The following FAM133B variants were observed in gnomAD, a reference collection of about 807,000 sequenced individuals.
FAM133B encodes the protein family with sequence similarity 133 member B.
A neutral mutation model predicts 46.4 loss-of-function variants in FAM133B; 25 were observed. The ratio of observed to expected loss-of-function variants is 0.54; its 90% CI spans 0.39 to 0.75. FAM133B has a LOEUF of 0.75. Among genes scored for constraint, FAM133B ranks in the 30% least tolerant of loss-of-function variants. The pLI is 0.00. For missense variants in FAM133B, 205 were observed against 277.6 expected (o/e 0.74, Z 1.86); for synonymous variants, 75 against 86.0 (o/e 0.87, Z 0.71).
intron 2 of FAM133B, among the ~76,000 whole-genome samples, chr7:92,580,642 C>T (rs1226419374): frequency 2.0e-5 from 3 of 152,176 alleles, no homozygotes; most frequent in African/African-American, 7.2e-5. Context: ...TGCTTGGTAG[C>T]CCTTCACAGT....
intron 1 of FAM133B, among the ~76,000 whole-genome samples, chr7:92,584,047 CAAAAAAAAAAAAA>C (rs765172200): frequency 1.9e-4 from 7 of 36,796 alleles, no homozygotes; most frequent in Admixed American, 8.2e-4. Context: ...AAGACTGTCT[CAAAAAAAAAAAAA>C]AAAAAAAAAA....
At chr7:92,580,704 A>G (rs1794842335) in intron 2 of FAM133B, among the ~76,000 whole-genome samples, 1 of 152,214 alleles carries the variant, frequency 6.6e-6, no homozygotes, top group Non-Finnish European at 1.5e-5. Context: ...GTGAGTCCCT[A>G]CGAGTTACTC....
chr7:92,585,357 T>C, intron 1 of FAM133B: 1 of 984,662 alleles, frequency 1.0e-6, no homozygotes, highest in Non-Finnish European at 1.2e-6. Context: ...ATTGATCACA[T>C]TCTAATTTCC....
At chr7:92,584,293 G>C (rs1237571667) in intron 1 of FAM133B, among the ~76,000 whole-genome samples, 2 of 152,062 alleles carry the variant, frequency 1.3e-5, no homozygotes, top group Non-Finnish European at 2.9e-5. Flanking sequence ...TTGGTTTAAG[G>C]TGTTATACCT....
At chr7:92,583,573 G>C (rs771641805) in intron 1 of FAM133B, among the ~76,000 whole-genome samples, 1 of 151,976 alleles carries the variant, frequency 6.6e-6, no homozygotes, top group Non-Finnish European at 1.5e-5. Context: ...AACATATTGA[G>C]GCAAAACAAA....
At chr7:92,577,914 G>T in intron 5 of FAM133B, 197 bp from the exon 6 acceptor site, 1 of 647,902 alleles carries the variant, frequency 1.5e-6, no homozygotes, top group Non-Finnish European at 2.7e-6. Context: ...TGTGGCCATG[G>T]TCACCAATCT....
At chr7:92,582,299 A>ATTT (rs1175203662) in intron 1 of FAM133B, among the ~76,000 whole-genome samples, 2 of 148,574 alleles carry the variant, frequency 1.3e-5, no homozygotes, top group African/African-American at 5.1e-5. Context: ...ATAACATAAC[A>ATTT]TAAATAACAT....
At chr7:92,583,124 A>T (rs1376464125) in intron 1 of FAM133B, among the ~76,000 whole-genome samples, 1 of 152,262 alleles carries the variant, frequency 6.6e-6, no homozygotes, top group African/African-American at 2.4e-5. Context: ...GTATATACAT[A>T]CAATGGAATA....
rs1327073762 is a variant in FAM133B, at chr7:92,560,845, G to A, written c.*1437C>T. 1 of 152,402 alleles carries A rather than the reference G, an allele frequency of 6.6e-6. No individual in the cohort carries two copies. The highest frequency in any genetic ancestry group is 1.9e-4 in the East Asian group (1 of 5,190). 9.4% of individuals were successfully genotyped at this position (152,402 alleles called of 1,614,324 possible). ...GCCTGTTGTCATGCCAACATGTTCT[G>A]TGCATATACCACTATAATTAGCACA... is the stretch of plus-strand genomic sequence containing the variant. On this transcript the variant is annotated 3_prime_UTR_variant, in exon 11 of 11. Transcript: ENST00000445716.
intron 1 of FAM133B, among the ~76,000 whole-genome samples, chr7:92,587,479 C>T (rs909007331): frequency 3.9e-5 from 6 of 152,006 alleles, no homozygotes; most frequent in African/African-American, 2.4e-5. Context: ...TCCTGTAATC[C>T]GAACACTTTT....
chr7:92,589,941 T>G (rs1795145923), intron 1 of FAM133B: 2 of 431,390 alleles, frequency 4.6e-6, no homozygotes, highest in South Asian at 2.9e-5. Flanking sequence ...CGGGGCCAGG[T>G]GTGGGGGGGG....
In FAM133B at chr7:92,587,644, G is replaced by T. The variant is rs376391012; in HGVS notation, c.24+2624C>A. 3.9e-5 allele frequency among the ~76,000 whole-genome samples: 6 copies of T among 152,262 alleles called. No homozygotes were observed. The East Asian group carries it at 5.8e-4, about 15-fold the overall frequency. On this transcript the variant is annotated intron_variant, in intron 1 of 10. Transcript: ENST00000445716. The stretch of plus-strand genomic sequence containing the variant: ...AGCTACTTGGGAGGCTGACGTGAGA[G>T]CATCCCTTGAGCCTGGGAAGTTGAA...
chr7:92,577,372 C>T, intron 6 of FAM133B, 177 bp from the exon 7 acceptor site: 1 of 463,596 alleles, frequency 2.2e-6, no homozygotes, highest in Admixed American at 4.0e-5. Flanking sequence ...ATTTGAATCA[C>T]ATGTAATGCC....
At chr7:92,572,766 G>A (rs188488519) in intron 8 of FAM133B, among the ~76,000 whole-genome samples, 2 of 152,112 alleles carry the variant, frequency 1.3e-5, no homozygotes, top group Admixed American at 1.3e-4. Flanking sequence ...GAAGAAATGG[G>A]TAAGAAATAT....
At chr7:92,586,183 G>C (rs1795033148) in intron 1 of FAM133B, among the ~76,000 whole-genome samples, 1 of 152,094 alleles carries the variant, frequency 6.6e-6, no homozygotes, top group Non-Finnish European at 1.5e-5. Context: ...GCTGAATAAG[G>C]CTTACTTTTA....
chr7:92,566,572 G>A (rs1304703543), intron 9 of FAM133B, among the ~76,000 whole-genome samples: 1 of 152,108 alleles, frequency 6.6e-6, no homozygotes, highest in Non-Finnish European at 1.5e-5. Context: ...AGCCCAGGAG[G>A]TTGAGGCTGC....
At chr7:92,572,501 C>T (rs1309524530) in intron 8 of FAM133B, among the ~76,000 whole-genome samples, 3 of 152,182 alleles carry the variant, frequency 2.0e-5, no homozygotes, top group Non-Finnish European at 2.9e-5. Flanking sequence ...GGGCGGATCA[C>T]GTGGTCAAGA....
chr7:92,590,111 G>C, intron 1 of FAM133B, 157 bp downstream of exon 1: 1 of 1,065,786 alleles, frequency 9.4e-7, no homozygotes, highest in South Asian at 1.5e-5. Context: ...CGTGCGCGGC[G>C]CACGCGCATC....
chr7:92,577,569 C>G (rs1225233438), intron 6 of FAM133B, 86 bp downstream of exon 6: 1 of 1,162,022 alleles, frequency 8.6e-7, no homozygotes, highest in Non-Finnish European at 1.2e-6. Flanking sequence ...GTCAACATTT[C>G]TAACAGATAT....
Sources: allele counts gnomAD v4.1 joint callset (sites outside exome capture counted in the v4.1 genomes callset), GRCh38; gene constraint gnomAD v4.1.1; transcripts MANE v1.5; gene names NCBI Gene and HGNC (gene_info 2026-07-23, HGNC 2026-07-21).